CCDC88C: variants seen among roughly 807,000 people sequenced by gnomAD.
The protein encoded by CCDC88C is protein Daple.
Under a neutral mutation model 198.8 loss-of-function variants are expected in CCDC88C, and 131 were observed. That is an observed-to-expected ratio of 0.66 (90% CI 0.57 to 0.76). The LOEUF is 0.76. Among genes scored for constraint, CCDC88C ranks in the 30% least tolerant of loss-of-function variants. CCDC88C has a pLI of 0.00. For synonymous variants in CCDC88C, 1,166 were observed against 1,114.7 expected, an observed-to-expected ratio of 1.05 and a Z score of -0.92; for missense variants, 2,553 against 2,631.6, an observed-to-expected ratio of 0.97 and a Z score of 0.65.
chr14:91,339,111 G>A lies in CCDC88C; in HGVS notation c.809+167C>T, dbSNP rs564540298. The A allele has an allele frequency of 1.2e-5, 9 of 776,014 alleles. No individual in the cohort carries two copies. The highest frequency in any genetic ancestry group is 6.0e-5 in the Admixed American group (3 of 49,748). 48.1% of individuals were successfully genotyped at this position (776,014 alleles called of 1,614,324 possible). On this transcript the variant is annotated intron_variant, in intron 8 of 29. Coordinates refer to ENST00000389857, the MANE Select transcript of CCDC88C (RefSeq NM_001080414.4). The surrounding 1 kb of genome is among the most constrained non-coding windows in gnomAD (Gnocchi z 5.8). ...CCATCCCTGTGCAGGCCTCAGAAGGGGAGGCAGCTAGTCCGAGGTCAAAGA... is the reference window on the plus strand; with the variant it reads ...CCATCCCTGTGCAGGCCTCAGAAGGAGAGGCAGCTAGTCCGAGGTCAAAGA...
rs1306523991 is a variant in CCDC88C at position 91,294,296 on chromosome 14, T to G, written c.3989A>C (p.Asn1330Thr). 3.1e-6 allele frequency: 5 copies of G among 1,614,004 alleles called. No individual in the cohort carries two copies. The highest frequency in any genetic ancestry group is 4.2e-6 in the Non-Finnish European group (5 of 1,179,884). The change falls in exon 23 of 30, where the codon AAC becomes ACC. Residue 1330 changes from asparagine (N) to threonine (T), a missense_variant. Around this residue, in one of 2 missense-constraint regions of CCDC88C, gnomAD observed 1,293 missense variants for 1,219.6 expected, o/e 1.06. Coordinates refer to ENST00000389857, the MANE Select transcript of CCDC88C (RefSeq NM_001080414.4). ...GAGGTGATGATTTTCTTCCTCCAAGTTCCCCTTGAGACGGGAGAGCAGCTA... is the reference window on the plus strand; with the variant it reads ...GAGGTGATGATTTTCTTCCTCCAAGGTCCCCTTGAGACGGGAGAGCAGCTA... ...HCELLSRLKG[N>T]LEEENHHLLS...
intron 6 of CCDC88C, among the ~76,000 whole-genome samples, chr14:91,341,789 A>G (rs1312961825): frequency 6.6e-6 from 1 of 152,228 alleles, no homozygotes. Context: ...CGGGAAGGTC[A>G]GGCCTCAAAG....
chr14:91,350,746 AG>A (rs34187756), intron 4 of CCDC88C, among the ~76,000 whole-genome samples: 35,078 of 152,130 alleles, frequency 0.23, 5,195 homozygotes, highest in Non-Finnish European at 0.3. Flanking sequence ...AGCCAGGCTC[AG>A]GGTTTAACCC....
intron 3 of CCDC88C, among the ~76,000 whole-genome samples, chr14:91,372,728 T>C (rs1894874564): frequency 6.6e-6 from 1 of 152,010 alleles, no homozygotes; most frequent in Admixed American, 6.5e-5. Flanking sequence ...ATCTAAACGG[T>C]GACAGCAGCA....
chr14:91,337,058 GC>G (rs1176863051), intron 10 of CCDC88C, among the ~76,000 whole-genome samples: 6 of 152,180 alleles, frequency 3.9e-5, no homozygotes, highest in Non-Finnish European at 7.3e-5. Context: ...ACCACTTCCA[GC>G]CCCCCTTGGA....
chr14:91,294,089 G>T (rs915390030), intron 23 of CCDC88C, 84 bp downstream of exon 23: 2 of 1,531,244 alleles, frequency 1.3e-6, no homozygotes, highest in Non-Finnish European at 1.8e-6. Flanking sequence ...GCTCCTCTCT[G>T]CATGGGAAGC....
At chr14:91,343,500 G>A in intron 5 of CCDC88C, 99 bp downstream of exon 5, 2 of 1,541,760 alleles carry the variant, frequency 1.3e-6, no homozygotes, top group Non-Finnish European at 1.7e-6. Context: ...ACTGAAAGGA[G>A]CATCCTCCCA....
chr14:91,334,123 C>T (rs1892951114), intron 10 of CCDC88C, among the ~76,000 whole-genome samples: 1 of 152,254 alleles, frequency 6.6e-6, no homozygotes, highest in African/African-American at 2.4e-5. Flanking sequence ...TGCTTTATCA[C>T]ATATCCATCA....
intron 3 of CCDC88C, among the ~76,000 whole-genome samples, chr14:91,377,795 CTCTG>C (rs1884532026): frequency 6.6e-6 from 1 of 152,208 alleles, no homozygotes; most frequent in Admixed American, 6.5e-5. Flanking sequence ...AGGGACCAGT[CTCTG>C]TCTGGTTGCC....
At chr14:91,298,249 T>G (rs1428023217) in intron 21 of CCDC88C, among the ~76,000 whole-genome samples, 1 of 151,888 alleles carries the variant, frequency 6.6e-6, no homozygotes, top group East Asian at 1.9e-4. Context: ...CTAGGCGACA[T>G]AGTGAGACCC....
At chr14:91,376,238 G>C (rs1386663770) in intron 3 of CCDC88C, among the ~76,000 whole-genome samples, 5 of 152,172 alleles carry the variant, frequency 3.3e-5, no homozygotes, top group African/African-American at 9.7e-5. Flanking sequence ...GCTCGTCGCC[G>C]GGCATATGCA....
intron 27 of CCDC88C, chr14:91,279,902 C>T (rs1219584179): frequency 6.6e-6 from 1 of 152,260 alleles, no homozygotes; most frequent in East Asian, 1.9e-4. Flanking sequence ...TGTCATTTGC[C>T]TCAAATTTAC....
At chr14:91,336,297 C>T (rs1385028819) in intron 10 of CCDC88C, among the ~76,000 whole-genome samples, 1 of 152,154 alleles carries the variant, frequency 6.6e-6, no homozygotes, top group East Asian at 1.9e-4. Context: ...TGGGCAGACG[C>T]GTCTATGTGA....
chr14:91,332,291 T>G (rs548885747), intron 10 of CCDC88C, among the ~76,000 whole-genome samples: 1 of 152,292 alleles, frequency 6.6e-6, no homozygotes, highest in East Asian at 1.9e-4. Context: ...TGGACAGCAC[T>G]GAGCAGAACT....
intron 23 of CCDC88C, among the ~76,000 whole-genome samples, chr14:91,291,439 AC>A (rs1346727525): frequency 1.3e-5 from 2 of 152,078 alleles, no homozygotes; most frequent in Non-Finnish European, 2.9e-5. Context: ...GGCAGAACCT[AC>A]CCCGCAGTGG....
chr14:91,318,191 C>A (rs941890494), intron 13 of CCDC88C, among the ~76,000 whole-genome samples: 7 of 151,968 alleles, frequency 4.6e-5, no homozygotes, highest in Admixed American at 3.9e-4. Context: ...AGGCTGAGAC[C>A]GAAGGACTGC....
rs1314324682 is a variant in CCDC88C, at chr14:91,337,115, G to A, written c.1050+890C>T. Among the ~76,000 whole-genome samples, 3 of 152,178 alleles carry A rather than the reference G, an allele frequency of 2.0e-5. 1 individual carries two copies. Among genetic ancestry groups the A allele is most frequent in the Non-Finnish European group, 1.5e-5 (1 of 68,030 alleles). On this transcript the variant is annotated intron_variant, in intron 10 of 29. Coordinates refer to ENST00000389857, the MANE Select transcript of CCDC88C (RefSeq NM_001080414.4). The stretch of plus-strand genomic sequence containing the variant: ...CTAAATCCTCAGAAAAGAGGGTCCC[G>A]GAAGCTGCTACTGACATGAGGTTGT...
In CCDC88C at chr14:91,313,961, C is replaced by T; in HGVS notation, c.1855G>A (p.Asp619Asn). The change falls in exon 15 of 30, where the codon GAC becomes AAC. Residue 619 changes from aspartate (D) to asparagine (N), a missense_variant. By Grantham distance (23) the Asp-to-Asn change is conservative. This residue lies in a region of CCDC88C where 1,260 missense variants were observed against 1,412.0 expected (regional missense o/e 0.89). Coordinates refer to ENST00000389857, the MANE Select transcript of CCDC88C (RefSeq NM_001080414.4). This position sits in a 1 kb window ranked among gnomAD's most constrained non-coding sequence, Gnocchi z 5.2. ...CCCTTCTCCTTGGCCTGCTCCAAGT[C>T]CCTGTGCAGCTGCCGCTTCTCAAAC... ...LEFEKRQLHR[D>N]LEQAKEKGER... The T allele has an allele frequency of 6.2e-7, 1 of 1,613,782 alleles. No individual in the cohort carries two copies. The highest frequency in any genetic ancestry group is 8.5e-7 in the Non-Finnish European group (1 of 1,179,884).
In CCDC88C at chr14:91,297,486, T is replaced by C. The variant is rs1366859752; in HGVS notation, c.3785A>G (p.Asn1262Ser). The C allele has an allele frequency of 7.7e-6, 12 of 1,555,000 alleles. No individual in the cohort carries two copies. Among genetic ancestry groups the C allele is most frequent in the Non-Finnish European group, 1.0e-5 (12 of 1,148,834 alleles). Reference protein sequence around the residue: ...QRLRGELDRVNFLHHQLKGEY... With the variant: ...QRLRGELDRVSFLHHQLKGEY... ...CCCCTTCAGCTGGTGGTGCAGGAAATTGACCCTGGAGGAGGAAGAGTCACA... is the reference window on the plus strand; with the variant it reads ...CCCCTTCAGCTGGTGGTGCAGGAAACTGACCCTGGAGGAGGAAGAGTCACA... The change falls in exon 22 of 30, where the codon AAT becomes AGT. Residue 1262 changes from asparagine (N) to serine (S), a missense_variant. Coordinates refer to ENST00000389857, the MANE Select transcript of CCDC88C (RefSeq NM_001080414.4).
Sources: allele counts gnomAD v4.1 joint callset (sites outside exome capture counted in the v4.1 genomes callset), GRCh38; gene constraint gnomAD v4.1.1; regional missense constraint gnomAD v4.1.1; non-coding constraint Gnocchi (gnomAD v3.1); transcripts MANE v1.5; gene names NCBI Gene and HGNC (gene_info 2026-07-23, HGNC 2026-07-21).